DAP: variants seen among roughly 807,000 people sequenced by gnomAD.
DAP encodes death associated protein.
Under a neutral mutation model 13.8 loss-of-function variants are expected in DAP, and 8 were observed. That is an observed-to-expected ratio of 0.58 (90% confidence interval 0.34 to 1.05). DAP has a LOEUF of 1.05. Ranked by LOEUF, DAP falls within the 50% of genes least tolerant of loss-of-function variation. The pLI is 0.03. For synonymous variants in DAP, 47 were observed against 47.5 expected (o/e 0.99, Z 0.04); for missense variants, 106 against 133.2 (o/e 0.80, Z 1.01).
chr5:10,735,015 A>G lies in DAP; in HGVS notation c.152+13160T>C, dbSNP rs1045170066. On this transcript the variant is annotated intron_variant, in intron 2 of 3. Transcript: ENST00000230895. ...GCCTCCATGCCCTTCATCTGCTTTC[A>G]GTGTCTTGCAACATACCCATGACTC... Among the ~76,000 whole-genome samples the G allele has an allele frequency of 3.3e-5, 5 of 152,306 alleles. No individual in the cohort carries two copies. The East Asian group carries it at 5.8e-4, about 18-fold the overall frequency.
chr5:10,716,112 G>A (rs905430316), intron 2 of DAP, among the ~76,000 whole-genome samples: 3 of 152,184 alleles, frequency 2.0e-5, no homozygotes, highest in African/African-American at 4.8e-5. Flanking sequence ...TCCTAGGGTT[G>A]CCTGCCAATC....
chr5:10,757,912 G>A (rs1740232117), intron 1 of DAP, among the ~76,000 whole-genome samples: 1 of 152,162 alleles, frequency 6.6e-6, no homozygotes, highest in Non-Finnish European at 1.5e-5. Context: ...CCCAGCCCTG[G>A]AAGCAAGAAG....
chr5:10,755,795 G>T (rs183835016), intron 1 of DAP, among the ~76,000 whole-genome samples: 2 of 152,342 alleles, frequency 1.3e-5, no homozygotes, highest in African/African-American at 4.8e-5. Flanking sequence ...AATGCACAGG[G>T]CACTGGCCGA....
At chr5:10,724,913 C>G (rs193115826) in intron 2 of DAP, among the ~76,000 whole-genome samples, 1 of 149,810 alleles carries the variant, frequency 6.7e-6, no homozygotes, top group Non-Finnish European at 1.5e-5. Flanking sequence ...TCTACTCCCC[C>G]CAGGAGGAGA....
chr5:10,737,388 A>AACAAC (rs1561028852), intron 2 of DAP, among the ~76,000 whole-genome samples: 3 of 148,776 alleles, frequency 2.0e-5, no homozygotes, highest in Non-Finnish European at 4.5e-5. Flanking sequence ...ACAACAACAA[A>AACAAC]AAAAACTGGA....
At chr5:10,759,980 C>G (rs982785646) in intron 1 of DAP, among the ~76,000 whole-genome samples, 6 of 152,026 alleles carry the variant, frequency 3.9e-5, no homozygotes, top group Admixed American at 3.3e-4. Flanking sequence ...GTCTTGAACT[C>G]CTGACCTCAA....
chr5:10,698,160 G>A (rs2126643360), intron 2 of DAP, among the ~76,000 whole-genome samples: 1 of 151,886 alleles, frequency 6.6e-6, no homozygotes, highest in Non-Finnish European at 1.5e-5. Flanking sequence ...TGCAGTAAGT[G>A]TCCTCAGTGG....
intron 2 of DAP, among the ~76,000 whole-genome samples, chr5:10,714,795 T>C (rs1738939650): frequency 2.0e-5 from 3 of 151,810 alleles, no homozygotes; most frequent in Non-Finnish European, 4.4e-5. Context: ...TGAGACCTGG[T>C]TGTTTAAAAG....
At chr5:10,686,932 C>CA (rs1738171599) in intron 2 of DAP, among the ~76,000 whole-genome samples, 1 of 152,178 alleles carries the variant, frequency 6.6e-6, no homozygotes. Flanking sequence ...TCAAAGCTTC[C>CA]AAGGGCAGGC....
intron 2 of DAP, among the ~76,000 whole-genome samples, chr5:10,744,746 T>C (rs979546934): frequency 1.3e-5 from 2 of 152,242 alleles, no homozygotes; most frequent in Non-Finnish European, 2.9e-5. Context: ...TAATACCAAC[T>C]TATAGGTGCG....
rs748465213 is a variant in DAP at position 10,681,109 on chromosome 5, T to C, written c.256A>G (p.Met86Val). The change falls in exon 4 of 4, where the codon ATG becomes GTG. Residue 86 changes from methionine (M) to valine (V), a missense_variant. Coordinates refer to ENST00000230895, the MANE Select transcript of DAP (RefSeq NM_004394.3). ...GTTCTTGGGGAAGGATGCTTGTCCA[T>C]GGAGGCATGCGGCTTCTGGTGAGCC... ...QVAHQKPHAS[M>V]DKHPSPRTQH... 2.5e-6 allele frequency: 4 copies of C among 1,581,380 alleles called. No homozygotes were observed. The highest frequency in any genetic ancestry group is 3.4e-6 in the Non-Finnish European group (4 of 1,163,736).
intron 2 of DAP, among the ~76,000 whole-genome samples, chr5:10,700,719 C>A (rs866380495): frequency 5.7e-4 from 87 of 152,332 alleles, no homozygotes; most frequent in African/African-American, 2.0e-3. Context: ...GAGCCACCAC[C>A]CAGATGGGGC....
chr5:10,743,676 T>C (rs1482981687), intron 2 of DAP, among the ~76,000 whole-genome samples: 1 of 152,212 alleles, frequency 6.6e-6, no homozygotes, highest in Non-Finnish European at 1.5e-5. Context: ...GTCTCTCCTT[T>C]ACATAATGAA....
At chr5:10,717,949 G>A (rs749296066) in intron 2 of DAP, among the ~76,000 whole-genome samples, 2 of 152,116 alleles carry the variant, frequency 1.3e-5, no homozygotes, top group African/African-American at 2.4e-5. Flanking sequence ...ACAGAATCAC[G>A]GCTCCTCAAT....
At chr5:10,726,584 G>A (rs370139885) in intron 2 of DAP, among the ~76,000 whole-genome samples, 7 of 152,228 alleles carry the variant, frequency 4.6e-5, no homozygotes, top group South Asian at 2.1e-4. Context: ...CCCAGGAGGC[G>A]GGGTTCTGAC....
chr5:10,707,660 T>C lies in DAP; in HGVS notation c.153-24089A>G, dbSNP rs1376507670. ...GTGGTGTGATGCACGGGTGGTGTGA[T>C]TTGCGATCAGTGTGGTGCACAGGCG... On this transcript the variant is annotated intron_variant, in intron 2 of 3. Coordinates refer to ENST00000230895, the MANE Select transcript of DAP (RefSeq NM_004394.3). The surrounding 1 kb of genome is among the most constrained non-coding windows in gnomAD (Gnocchi z 4.0). Among the ~76,000 whole-genome samples the C allele has an allele frequency of 6.6e-6, 1 of 152,064 alleles. No homozygotes were observed. Among genetic ancestry groups the C allele is most frequent in the Non-Finnish European group, 1.5e-5 (1 of 68,000 alleles).
chr5:10,746,323 T>G (rs1048262448), intron 2 of DAP, among the ~76,000 whole-genome samples: 20 of 140,374 alleles, frequency 1.4e-4, no homozygotes, highest in African/African-American at 3.3e-4. Flanking sequence ...AATTCTAGCG[T>G]TTTTTTTTTG....
intron 2 of DAP, among the ~76,000 whole-genome samples, chr5:10,733,302 GAGTAC>G (rs1739520163): frequency 6.6e-6 from 1 of 152,046 alleles, no homozygotes; most frequent in Non-Finnish European, 1.5e-5. Flanking sequence ...ATGAACACAG[GAGTAC>G]AGATATCTCT....
rs1207672031 is a variant in DAP, at chr5:10,722,577, C to CAT, written c.152+25596_152+25597dup. On this transcript the variant is annotated intron_variant, in intron 2 of 3. Transcript: ENST00000230895. ...ATACATGCATATATATACATACATA[C>CAT]ATATATATACATATATACATATATA... is the stretch of plus-strand genomic sequence containing the variant. Among the ~76,000 whole-genome samples, 6 of 144,396 alleles carry CAT rather than the reference C, an allele frequency of 4.2e-5. No individual in the cohort carries two copies. The South Asian group carries it at 6.6e-4, about 16-fold the overall frequency. 94.7% of individuals were successfully genotyped at this position (144,396 alleles called of 152,430 possible). A position where few individuals can be genotyped will look rare whatever the true frequency, so the allele number is the denominator to read the frequency against.
Sources: allele counts gnomAD v4.1 joint callset (sites outside exome capture counted in the v4.1 genomes callset), GRCh38; gene constraint gnomAD v4.1.1; non-coding constraint Gnocchi (gnomAD v3.1); transcripts MANE v1.5; gene names NCBI Gene and HGNC (gene_info 2026-07-23, HGNC 2026-07-21).